Variants in RB1CC1 observed in about 807,000 individuals in gnomAD.
RB1CC1 encodes the protein RB1-inducible coiled-coil protein 1.
A neutral mutation model predicts 177.5 loss-of-function variants in RB1CC1; 46 were observed. That is an observed-to-expected ratio of 0.26 (90% CI 0.20 to 0.33). RB1CC1 has a LOEUF of 0.33. Ranked by LOEUF, RB1CC1 falls within the 10% of genes least tolerant of loss-of-function variation. The pLI, the probability that RB1CC1 is intolerant of heterozygous loss-of-function variation, is 1.00. For missense variants in RB1CC1, 1,703 were observed against 1,816.3 expected (o/e 0.94, Z 1.13); for synonymous variants, 666 against 613.6 (o/e 1.09, Z -1.26).
chr8:52,687,798 A>T (rs1230199539), intron 1 of RB1CC1, among the ~76,000 whole-genome samples: 1 of 152,188 alleles, frequency 6.6e-6, no homozygotes, highest in Non-Finnish European at 1.5e-5. Context: ...CATGCCCAGA[A>T]TCTATAAAAT....
Position 52,656,761 on chromosome 8 carries a change from T to A in RB1CC1, c.3068A>T (p.Gln1023Leu), listed in dbSNP as rs567084030. The A allele has an allele frequency of 8.5e-5, 137 of 1,613,912 alleles. No homozygotes were observed. In the South Asian group the frequency reaches 1.3e-3, roughly 15 times the overall value. Residue 1023 changes from glutamine to leucine, a missense_variant, in exon 15 of 24, where the codon CAA (glutamine) becomes CTA (leucine). This residue lies in a region of RB1CC1 where 1,169 missense variants were observed against 1,184.7 expected (regional missense o/e 0.99). Transcript: ENST00000025008. The part of the protein sequence containing the change: ...SLEELKKENQ[Q>L]IINQIQESHA... ...AGATTCTTGTATTTGATTAATTATT[T>A]GTTGGTTTTCCTTTTTTAATTCCTC...
intron 1 of RB1CC1, among the ~76,000 whole-genome samples, chr8:52,706,547 A>G (rs1453387603): frequency 6.6e-6 from 1 of 151,430 alleles, no homozygotes; most frequent in African/African-American, 2.4e-5. Context: ...CCTGGCTAAC[A>G]CAGTGAAACC....
At chr8:52,701,568 T>G (rs1468432750) in intron 1 of RB1CC1, among the ~76,000 whole-genome samples, 20 of 152,184 alleles carry the variant, frequency 1.3e-4, no homozygotes, top group Admixed American at 1.3e-3. Context: ...TTCTTTTCTT[T>G]TTCTTTAAGA....
chr8:52,646,286 A>AC (rs942119877), intron 15 of RB1CC1, among the ~76,000 whole-genome samples: 7 of 151,872 alleles, frequency 4.6e-5, no homozygotes, highest in Non-Finnish European at 8.8e-5. Context: ...ACAAAGTGAG[A>AC]CCCCGTCTCT....
intron 18 of RB1CC1, among the ~76,000 whole-genome samples, chr8:52,636,575 A>C (rs1032666509): frequency 1.3e-5 from 2 of 152,250 alleles, no homozygotes; most frequent in African/African-American, 2.4e-5. Flanking sequence ...AAATTCATCT[A>C]CAGGTATAAT....
At position 52,629,898 on chromosome 8, in the gene RB1CC1, A is replaced by C. The variant is rs368896783; in HGVS notation, c.4499+572T>G. Among the ~76,000 whole-genome samples the C allele has an allele frequency of 5.3e-5, 8 of 152,178 alleles. No homozygotes were observed. In the East Asian group the frequency reaches 1.4e-3, roughly 26 times the overall value. On this transcript the variant is annotated intron_variant, in intron 21 of 23. Transcript: ENST00000025008. Reference sequence around the variant, plus strand: ...CTTCAATGTCTCATGTCTCCCTAAAATGTATGAAACCAAGTTTCCCCCTCA... The same window carrying C: ...CTTCAATGTCTCATGTCTCCCTAAACTGTATGAAACCAAGTTTCCCCCTCA...
intron 1 of RB1CC1, among the ~76,000 whole-genome samples, chr8:52,710,383 A>T (rs1856952616): frequency 6.6e-6 from 1 of 152,222 alleles, no homozygotes; most frequent in African/African-American, 2.4e-5. Flanking sequence ...AAATGAGGTA[A>T]AAATAGCAGA....
chr8:52,639,041 T>G (rs926708176), intron 18 of RB1CC1, among the ~76,000 whole-genome samples: 1 of 152,146 alleles, frequency 6.6e-6, no homozygotes, highest in Non-Finnish European at 1.5e-5. Flanking sequence ...TTAGAAATGC[T>G]ATCAATTATT....
intron 18 of RB1CC1, among the ~76,000 whole-genome samples, chr8:52,641,420 A>C (rs1196286744): frequency 6.6e-6 from 1 of 151,460 alleles, no homozygotes; most frequent in Non-Finnish European, 1.5e-5. Context: ...ATAAAATAAA[A>C]TAAAATATTA....
intron 18 of RB1CC1, 123 bp downstream of exon 18, chr8:52,642,228 C>A (rs761411071): frequency 5.9e-5 from 76 of 1,289,574 alleles, no homozygotes; most frequent in Admixed American, 1.2e-4. Flanking sequence ...ATTAAAATAG[C>A]ACAACTTTCA....
intron 15 of RB1CC1, among the ~76,000 whole-genome samples, chr8:52,649,443 G>C (rs964070354): frequency 2.6e-5 from 4 of 152,108 alleles, no homozygotes; most frequent in African/African-American, 9.7e-5. Flanking sequence ...AATTTACATT[G>C]AACATAAACT....
chr8:52,626,914 G>A (rs541455629), intron 22 of RB1CC1, among the ~76,000 whole-genome samples: 1 of 152,216 alleles, frequency 6.6e-6, no homozygotes, highest in East Asian at 1.9e-4. Flanking sequence ...GCATAGTGGT[G>A]GTGCAAATCT....
chr8:52,651,125 T>C (rs1319536928), intron 15 of RB1CC1, among the ~76,000 whole-genome samples: 1 of 152,182 alleles, frequency 6.6e-6, no homozygotes, highest in African/African-American at 2.4e-5. Flanking sequence ...CTAATGACAG[T>C]TACAAGAGGA....
intron 8 of RB1CC1, among the ~76,000 whole-genome samples, chr8:52,666,004 C>T (rs938954783): frequency 7.2e-5 from 11 of 152,058 alleles, no homozygotes; most frequent in Non-Finnish European, 1.3e-4. Flanking sequence ...AGTAGAATGG[C>T]CATCCCAAGA....
In RB1CC1 at chr8:52,714,191, A is replaced by G. The variant is rs546848515; in HGVS notation, c.-283T>C. On this transcript the variant is annotated 5_prime_UTR_variant, in exon 1 of 24. Coordinates refer to ENST00000025008, the MANE Select transcript of RB1CC1 (RefSeq NM_014781.5). ...ACCAACCGCCCATTCGGCACCGCTAAGCCGACACAACCGCCGGCGTCCCGG... is the reference window on the plus strand; with the variant it reads ...ACCAACCGCCCATTCGGCACCGCTAGGCCGACACAACCGCCGGCGTCCCGG... The G allele has an allele frequency of 4.7e-4, 108 of 229,708 alleles. 1 individual carries two copies. Among genetic ancestry groups the G allele is most frequent in the African/African-American group, 2.3e-3 (98 of 42,020 alleles). The allele number at this position is 229,708 out of a possible 1,614,324, so 14.2% of individuals were successfully genotyped here.
At chr8:52,650,385 T>C (rs951574068) in intron 15 of RB1CC1, among the ~76,000 whole-genome samples, 1 of 152,192 alleles carries the variant, frequency 6.6e-6, no homozygotes, top group Non-Finnish European at 1.5e-5. Flanking sequence ...GACTTCCAAG[T>C]AAACCACCTG....
At chr8:52,643,467 G>A (rs866724862) in intron 16 of RB1CC1, among the ~76,000 whole-genome samples, 1 of 152,036 alleles carries the variant, frequency 6.6e-6, no homozygotes, top group Non-Finnish European at 1.5e-5. Flanking sequence ...TTGGGAGACT[G>A]AGGTGGGAGG....
chr8:52,685,581 A>G, intron 2 of RB1CC1, 61 bp from the exon 3 acceptor site: 1 of 640,548 alleles, frequency 1.6e-6, no homozygotes, highest in Non-Finnish European at 2.7e-6. Flanking sequence ...AAATACTATC[A>G]TCATTATGAC....
intron 5 of RB1CC1, among the ~76,000 whole-genome samples, 176 bp from the exon 6 acceptor site, chr8:52,676,747 TAAGTG>T (rs148180168): frequency 0.012 from 1,824 of 152,268 alleles, 43 homozygotes; most frequent in African/African-American, 0.042. Context: ...AGCCTAAACA[TAAGTG>T]AGGTGTTTCC....
Sources: gnomAD v4.1 joint callset for allele counts (sites outside exome capture counted in the v4.1 genomes callset) on GRCh38, gnomAD v4.1.1 for gene constraint, gnomAD v4.1.1 regional missense constraint, MANE v1.5 for transcripts, NCBI Gene and HGNC (gene_info 2026-07-23, HGNC 2026-07-21) for gene names.